ZSCAN5A: variants seen among roughly 807,000 people sequenced by gnomAD.
ZSCAN5A encodes the protein zinc finger and SCAN domain-containing protein 5A.
ZSCAN5A carries 12 observed loss-of-function variants against 23.7 expected under a neutral mutation model. The ratio of observed to expected loss-of-function variants is 0.51; its 90% CI spans 0.32 to 0.82. The LOEUF (loss-of-function observed/expected upper bound fraction) is 0.82, where lower values mean the gene tolerates loss of function less well. ZSCAN5A is among the 40% of genes least tolerant of loss of function. ZSCAN5A has a pLI of 0.03. For synonymous variants in ZSCAN5A, 257 were observed against 239.9 expected, an observed-to-expected ratio of 1.07 and a Z score of -0.66; for missense variants, 597 against 617.9, an observed-to-expected ratio of 0.97 and a Z score of 0.36.
intron 2 of ZSCAN5A, chr19:56,282,881 C>T (rs755836587): frequency 6.6e-6 from 1 of 152,190 alleles, no homozygotes; most frequent in Non-Finnish European, 1.5e-5. Flanking sequence ...ATCATCGCTG[C>T]CTATTTAATA....
chr19:56,246,517 G>A, intron 2 of ZSCAN5A: 1 of 660,372 alleles, frequency 1.5e-6, no homozygotes, highest in Non-Finnish European at 2.7e-6. Flanking sequence ...CTTCTGGGGT[G>A]TGGGGCTGGG....
intron 2 of ZSCAN5A, among the ~76,000 whole-genome samples, chr19:56,228,844 T>C (rs118152235): frequency 0.018 from 2,764 of 152,290 alleles, 31 homozygotes; most frequent in Middle Eastern, 0.027. Context: ...GGAGTTGACA[T>C]GGGAAAGCTT....
intron 2 of ZSCAN5A, among the ~76,000 whole-genome samples, chr19:56,250,539 G>GT (rs751519527): frequency 4.6e-5 from 7 of 152,206 alleles, no homozygotes; most frequent in Non-Finnish European, 7.3e-5. Flanking sequence ...CCTCATTTCA[G>GT]TGGTGAGGAG....
At chr19:56,350,477 A>G (rs114517946) in intron 2 of ZSCAN5A, among the ~76,000 whole-genome samples, 2,409 of 152,350 alleles carry the variant, frequency 0.016, 69 homozygotes, top group African/African-American at 0.055. Context: ...AATTAACGCT[A>G]AAGTTATTTT....
At chr19:56,298,807 T>G (rs1420097880) in intron 2 of ZSCAN5A, among the ~76,000 whole-genome samples, 1 of 152,186 alleles carries the variant, frequency 6.6e-6, no homozygotes, top group Non-Finnish European at 1.5e-5. Flanking sequence ...CAGGAAATCT[T>G]CCAGAAAATT....
chr19:56,289,200 AG>A (rs1286519463), intron 2 of ZSCAN5A, among the ~76,000 whole-genome samples: 1 of 152,326 alleles, frequency 6.6e-6, no homozygotes, highest in East Asian at 1.9e-4. Context: ...AGGGTCTGAG[AG>A]CTGCATTGGA....
intron 1 of ZSCAN5A, among the ~76,000 whole-genome samples, 180 bp from the exon 2 acceptor site, chr19:56,313,564 G>A (rs1403111574): frequency 6.6e-6 from 1 of 152,188 alleles, no homozygotes; most frequent in African/African-American, 2.4e-5. Flanking sequence ...CAATCCCTCC[G>A]TAGGTAAGTT....
chr19:56,225,197 C>CA, intron 2 of ZSCAN5A, 24 bp from the exon 3 acceptor site: 2 of 1,429,108 alleles, frequency 1.4e-6, no homozygotes, highest in Non-Finnish European at 1.8e-6. Context: ...GTATGAGCCT[C>CA]ATTAGTTTAA....
intron 2 of ZSCAN5A, among the ~76,000 whole-genome samples, chr19:56,281,075 T>C (rs118090565): frequency 6.6e-6 from 1 of 152,240 alleles, no homozygotes; most frequent in Non-Finnish European, 1.5e-5. Context: ...ATATTTTGTA[T>C]GTTACATATA....
intron 2 of ZSCAN5A, among the ~76,000 whole-genome samples, chr19:56,268,322 C>A (rs2037614968): frequency 6.6e-6 from 1 of 152,170 alleles, no homozygotes; most frequent in Non-Finnish European, 1.5e-5. Flanking sequence ...GGTGTAATGG[C>A]CCCTGCGGCA....
intron 2 of ZSCAN5A, chr19:56,244,104 AGCCGC>A: frequency 3.2e-5 from 47 of 1,483,246 alleles, no homozygotes; most frequent in Admixed American, 3.1e-4. Flanking sequence ...CCTGAGTCAG[AGCCGC>A]CACAGTCTGT....
chr19:56,350,729 C>A lies in ZSCAN5A; in HGVS notation c.-358+12506G>T, dbSNP rs1057364980. On this transcript the variant is annotated intron_variant, in intron 2 of 6. Coordinates refer to the ZSCAN5A transcript ENST00000587340. Reference sequence around the variant, plus strand: ...ACTGTCAGTTATGGTCTAACAGGGCCCCCCACTAACGGTGGTAATTTTAAT... The same window carrying A: ...ACTGTCAGTTATGGTCTAACAGGGCACCCCACTAACGGTGGTAATTTTAAT... Among the ~76,000 whole-genome samples the A allele has an allele frequency of 2.0e-5, 3 of 152,186 alleles. No homozygotes were observed. In the South Asian group the frequency reaches 6.2e-4, roughly 32 times the overall value.
At chr19:56,361,212 C>T (rs1257147772) in intron 2 of ZSCAN5A, among the ~76,000 whole-genome samples, 2 of 152,206 alleles carry the variant, frequency 1.3e-5, no homozygotes, top group South Asian at 2.1e-4. Context: ...GCAACAGATG[C>T]TGGCGAGGTT....
chr19:56,281,860 C>T (rs1220429090), intron 2 of ZSCAN5A, among the ~76,000 whole-genome samples: 1 of 152,232 alleles, frequency 6.6e-6, no homozygotes, highest in African/African-American at 2.4e-5. Flanking sequence ...CCAGAATCTG[C>T]AGATTGCCCG....
At chr19:56,335,683 T>C (rs532770104) in intron 2 of ZSCAN5A, among the ~76,000 whole-genome samples, 344 of 152,384 alleles carry the variant, frequency 2.3e-3, no homozygotes, top group Admixed American at 5.4e-3. Context: ...CTAGCCTTGA[T>C]GGTCTTTACA....
Position 56,325,939 on chromosome 19 carries a change from GT to G in ZSCAN5A, c.-357-9672del, listed in dbSNP as rs200126826. Reference sequence around the variant, plus strand: ...TGTCTTGATGTATGTATATATTGTGGTTTTTTTTTTTGAGATGGAGTCTTGC... The same window carrying G: ...TGTCTTGATGTATGTATATATTGTGGTTTTTTTTTTGAGATGGAGTCTTGC... On this transcript the variant is annotated intron_variant, in intron 2 of 6. Coordinates refer to the ZSCAN5A transcript ENST00000587340. Among the ~76,000 whole-genome samples, 229 of 146,776 alleles carry G rather than the reference GT, an allele frequency of 1.6e-3. 1 individual carries two copies. The highest frequency in any genetic ancestry group is 5.1e-3 in the African/African-American group (205 of 40,296).
chr19:56,290,243 G>C (rs1238576909), intron 2 of ZSCAN5A, among the ~76,000 whole-genome samples: 4 of 152,218 alleles, frequency 2.6e-5, no homozygotes, highest in Non-Finnish European at 4.4e-5. Context: ...GATAAAGTAG[G>C]ACTCAGCAGA....
intron 2 of ZSCAN5A, among the ~76,000 whole-genome samples, chr19:56,252,903 C>G (rs2036446790): frequency 6.6e-6 from 1 of 152,206 alleles, no homozygotes; most frequent in South Asian, 2.1e-4. Context: ...GCCCCATTCA[C>G]GTGGGGCTGA....
chr19:56,223,746 A>C lies in ZSCAN5A; in HGVS notation c.473T>G (p.Leu158Arg). The stretch of plus-strand genomic sequence containing the variant: ...GGCCCGTTGGCTGGACACGTCTTTC[A>C]GATCATCTCTGACACTGGAGGGGGC... ...AEAPSSVRDD[L>R]KDVSSQRASS... The change falls in exon 4 of 6, where the codon CTG becomes CGG. Residue 158 changes from leucine (L) to arginine (R), a missense_variant. By Grantham distance (102) the Leu-to-Arg change is moderately radical (BLOSUM62 -2). This residue lies in a region of ZSCAN5A where 406 missense variants were observed against 353.2 expected (regional missense o/e 1.15). Coordinates refer to ENST00000683990, the MANE Select transcript of ZSCAN5A (RefSeq NM_001322064.3). The C allele has an allele frequency of 1.2e-6, 2 of 1,613,926 alleles. No individual in the cohort carries two copies. Among genetic ancestry groups the C allele is most frequent in the Non-Finnish European group, 1.7e-6 (2 of 1,179,980 alleles).
Sources: gnomAD v4.1 joint callset for allele counts (sites outside exome capture counted in the v4.1 genomes callset) on GRCh38, gnomAD v4.1.1 for gene constraint, gnomAD v4.1.1 regional missense constraint, MANE v1.5 for transcripts, NCBI Gene and HGNC (gene_info 2026-07-23, HGNC 2026-07-21) for gene names.